PRIMA1: variants seen among roughly 807,000 people sequenced by gnomAD.
PRIMA1 encodes proline-rich membrane anchor 1.
In PRIMA1, 7 loss-of-function variants were observed where a neutral mutation model predicts 17.5. That is an observed-to-expected ratio of 0.40 (90% CI 0.23 to 0.75). The LOEUF (loss-of-function observed/expected upper bound fraction) is 0.75. Among genes scored for constraint, PRIMA1 ranks in the 30% least tolerant of loss-of-function variants. PRIMA1 has a pLI of 0.37. For synonymous variants in PRIMA1, 97 were observed against 77.9 expected (o/e 1.25, Z -1.29); for missense variants, 200 against 201.8 (o/e 0.99, Z 0.05).
chr14:93,766,703 GA>G (rs1447286783), intron 3 of PRIMA1, among the ~76,000 whole-genome samples: 4 of 151,790 alleles, frequency 2.6e-5, no homozygotes, highest in African/African-American at 7.3e-5. Flanking sequence ...GAAGGTGAAT[GA>G]GTCCACTTAT....
intron 4 of PRIMA1, among the ~76,000 whole-genome samples, chr14:93,722,605 T>TA (rs2076047126): frequency 7.1e-6 from 1 of 141,320 alleles, no homozygotes; most frequent in Non-Finnish European, 1.6e-5. Context: ...ATGGTGGTTA[T>TA]ATGGTGGTGG....
At chr14:93,770,202 A>T (rs537771822) in intron 3 of PRIMA1, among the ~76,000 whole-genome samples, 28 of 152,190 alleles carry the variant, frequency 1.8e-4, no homozygotes, top group African/African-American at 6.7e-4. Flanking sequence ...GCCCATGGCA[A>T]CAGCCTCCTC....
chr14:93,776,882 A>G (rs1885235557), intron 3 of PRIMA1, among the ~76,000 whole-genome samples: 1 of 152,222 alleles, frequency 6.6e-6, no homozygotes, highest in Non-Finnish European at 1.5e-5. Context: ...AAATAGAGAG[A>G]AAGTCTCAAG....
intron 3 of PRIMA1, among the ~76,000 whole-genome samples, chr14:93,759,743 G>T (rs555996381): frequency 6.2e-4 from 94 of 152,318 alleles, no homozygotes; most frequent in African/African-American, 1.9e-3. Flanking sequence ...GAGTGAGAAG[G>T]CAAGTGGCAG....
intron 3 of PRIMA1, among the ~76,000 whole-genome samples, chr14:93,762,246 C>T (rs1884754863): frequency 6.6e-6 from 1 of 152,160 alleles, no homozygotes; most frequent in Non-Finnish European, 1.5e-5. Context: ...TGATAGTGCT[C>T]GTCTCCCACC....
intron 3 of PRIMA1, among the ~76,000 whole-genome samples, chr14:93,748,236 A>G (rs969531697): frequency 6.6e-6 from 1 of 152,068 alleles, no homozygotes; most frequent in African/African-American, 2.4e-5. Flanking sequence ...GAGAGCAGGG[A>G]GAGAGGGGTG....
intron 4 of PRIMA1, among the ~76,000 whole-genome samples, chr14:93,734,682 G>A (rs1187302502): frequency 6.6e-6 from 1 of 151,130 alleles, no homozygotes; most frequent in African/African-American, 2.4e-5. Context: ...AAGAAGCCCC[G>A]CCCACACCAC....
At chr14:93,787,297 A>C (rs951572913) in intron 2 of PRIMA1, among the ~76,000 whole-genome samples, 3 of 152,148 alleles carry the variant, frequency 2.0e-5, no homozygotes, top group African/African-American at 7.2e-5. Context: ...AATAATATAT[A>C]TCCTTGGGAT....
chr14:93,726,362 G>T lies in PRIMA1; in HGVS notation c.360-4816C>A, dbSNP rs894200755. Among the ~76,000 whole-genome samples the T allele has an allele frequency of 1.3e-5, 2 of 152,134 alleles. No homozygotes were observed. The highest frequency in any genetic ancestry group is 4.8e-5 in the African/African-American group (2 of 41,408). On this transcript the variant is annotated intron_variant, in intron 4 of 4. Transcript: ENST00000393140. This position sits in a 1 kb window ranked among gnomAD's most constrained non-coding sequence, Gnocchi z 4.2. ...ATGGAGGCAAAGAACAACTCTGGGA[G>T]CCTAAGAAGGGAGGCTGTCTTCCTG...
chr14:93,732,742 C>T (rs997545472), intron 4 of PRIMA1, among the ~76,000 whole-genome samples: 6 of 152,188 alleles, frequency 3.9e-5, no homozygotes, highest in African/African-American at 9.7e-5. Flanking sequence ...AAAGGCTGCT[C>T]GGAGATTGTC....
intron 3 of PRIMA1, among the ~76,000 whole-genome samples, chr14:93,738,698 C>A (rs2076166403): frequency 6.6e-6 from 1 of 152,076 alleles, no homozygotes; most frequent in African/African-American, 2.4e-5. Context: ...GTGAAATGCA[C>A]CCCCCATCTT....
At chr14:93,785,072 A>G (rs1885484832) in intron 2 of PRIMA1, among the ~76,000 whole-genome samples, 1 of 152,042 alleles carries the variant, frequency 6.6e-6, no homozygotes, top group Non-Finnish European at 1.5e-5. Context: ...GAGGGCAGCC[A>G]CAAAGATGAT....
intron 4 of PRIMA1, among the ~76,000 whole-genome samples, chr14:93,732,978 G>A (rs775083373): frequency 1.1e-4 from 16 of 152,152 alleles, no homozygotes; most frequent in Admixed American, 2.0e-4. Context: ...GGGGTACCCA[G>A]CACCCAAGGG....
intron 3 of PRIMA1, among the ~76,000 whole-genome samples, chr14:93,751,676 G>C (rs1422446658): frequency 6.6e-6 from 1 of 152,220 alleles, no homozygotes; most frequent in East Asian, 1.9e-4. Flanking sequence ...AGCTAAGAAT[G>C]ATTTGAGTCC....
chr14:93,775,425 C>T lies in PRIMA1; in HGVS notation c.229+3751G>A, dbSNP rs926920290. The stretch of plus-strand genomic sequence containing the variant: ...GCTCCACAGCATTGAAGCCCTGTGC[C>T]CTCTGGGAGACATGAATTCCTTCAG... On this transcript the variant is annotated intron_variant, in intron 3 of 4. Transcript: ENST00000393140. 1.5e-4 allele frequency among the ~76,000 whole-genome samples: 23 copies of T among 152,330 alleles called. No homozygotes were observed. The East Asian group carries it at 4.3e-3, about 28-fold the overall frequency.
chr14:93,750,593 A>ATT (rs2076253700), intron 3 of PRIMA1, among the ~76,000 whole-genome samples: 1 of 152,156 alleles, frequency 6.6e-6, no homozygotes, highest in South Asian at 2.1e-4. Context: ...AGACACACCT[A>ATT]TTTGTTTACA....
intron 3 of PRIMA1, among the ~76,000 whole-genome samples, chr14:93,754,363 C>T (rs567994461): frequency 6.6e-6 from 1 of 151,548 alleles, no homozygotes; most frequent in Non-Finnish European, 1.5e-5. Flanking sequence ...GCAGAGACCA[C>T]TGCTACTAGA....
In PRIMA1 at chr14:93,724,131, C is replaced by T. The variant is rs148176106; in HGVS notation, c.360-2585G>A. Among the ~76,000 whole-genome samples, 483 of 152,244 alleles carry T rather than the reference C, an allele frequency of 3.2e-3. 4 individuals carry two copies. Among genetic ancestry groups the T allele is most frequent in the African/African-American group, 0.011 (457 of 41,552 alleles). On this transcript the variant is annotated intron_variant, in intron 4 of 4. Transcript: ENST00000393140. ...AACTCCTGGCCTCAAGTGATCCTCC[C>T]GTCTCGGCCTCCCAAAGTGCCAGCA...
intron 3 of PRIMA1, among the ~76,000 whole-genome samples, chr14:93,754,801 T>C (rs1456294980): frequency 1.3e-5 from 2 of 152,174 alleles, no homozygotes; most frequent in South Asian, 2.1e-4. Context: ...CAGCTCACCA[T>C]AATCGACTGT....
Sources: gnomAD v4.1 joint callset for allele counts (sites outside exome capture counted in the v4.1 genomes callset) on GRCh38, gnomAD v4.1.1 for gene constraint, Gnocchi (gnomAD v3.1) non-coding constraint, MANE v1.5 for transcripts, NCBI Gene and HGNC (gene_info 2026-07-23, HGNC 2026-07-21) for gene names.